Variants in DIP2A observed in about 807,000 individuals in gnomAD.
DIP2A encodes the protein disco-interacting protein 2 homolog A.
A neutral mutation model predicts 177.4 loss-of-function variants in DIP2A; 85 were observed. That is an observed-to-expected ratio of 0.48 (90% CI 0.40 to 0.57). DIP2A has a LOEUF of 0.57. DIP2A is among the 20% of genes least tolerant of loss of function. The pLI is 0.00. For missense variants in DIP2A, 1,791 were observed against 2,100.2 expected (o/e 0.85, Z 2.88); for synonymous variants, 886 against 881.8 (o/e 1.00, Z -0.08).
chr21:46,483,066 G>A (rs770111039), intron 1 of DIP2A, among the ~76,000 whole-genome samples: 2 of 152,148 alleles, frequency 1.3e-5, no homozygotes, highest in Admixed American at 1.3e-4. Flanking sequence ...GAGTGAGGGG[G>A]TGAACAAGGA....
chr21:46,560,991 C>T (rs2060642823), intron 33 of DIP2A: 1 of 985,436 alleles, frequency 1.0e-6, no homozygotes, highest in Non-Finnish European at 1.2e-6. Context: ...AGCTGTGTGC[C>T]CCACTCCGGG....
At chr21:46,482,838 ATATTCCG>A (rs1372408049) in intron 1 of DIP2A, among the ~76,000 whole-genome samples, 2 of 152,252 alleles carry the variant, frequency 1.3e-5, no homozygotes, top group East Asian at 3.9e-4. Flanking sequence ...AGCCAGAGCC[ATATTCCG>A]TACCTCTGTG....
chr21:46,547,656 CTTTTTTTTTTT>C (rs10672432), intron 21 of DIP2A, among the ~76,000 whole-genome samples: 7 of 76,390 alleles, frequency 9.2e-5, no homozygotes, highest in Middle Eastern at 0.011. Flanking sequence ...AAGGGGGTGC[CTTTTTTTTTTT>C]TTTTTTTTTT....
intron 10 of DIP2A, among the ~76,000 whole-genome samples, chr21:46,532,628 T>G (rs925546288): frequency 2.0e-5 from 3 of 152,204 alleles, no homozygotes; most frequent in Non-Finnish European, 4.4e-5. Context: ...TAATTATTAT[T>G]TCTTAGGGAT....
intron 34 of DIP2A, 34 bp downstream of exon 34, chr21:46,561,839 G>A (rs1406638250): frequency 8.7e-6 from 14 of 1,612,704 alleles, no homozygotes; most frequent in South Asian, 3.3e-5. Flanking sequence ...ATTCTGAGTC[G>A]CGTCTGAGAC....
intron 6 of DIP2A, 120 bp downstream of exon 6, chr21:46,504,609 A>G: frequency 8.2e-7 from 1 of 1,215,990 alleles, no homozygotes; most frequent in South Asian, 1.6e-5. Context: ...GTTTTAATCC[A>G]TGCAGATAAA....
rs2060500748 is a variant in DIP2A, at chr21:46,557,268, G to A, written c.3629+199G>A. 2 of 657,284 alleles carry A rather than the reference G, an allele frequency of 3.0e-6. No homozygotes were observed. Among genetic ancestry groups the A allele is most frequent in the African/African-American group, 1.8e-5 (1 of 55,046 alleles). The allele number at this position is 657,284 out of a possible 1,614,324, so 40.7% of individuals were successfully genotyped here. On this transcript the variant is annotated intron_variant, in intron 30 of 37. Transcript: ENST00000417564. The surrounding 1 kb of genome is among the most constrained non-coding windows in gnomAD (Gnocchi z 6.0). ...ACATTTTTCATTAAATACACTGTCC[G>A]TTATCAGTACTTGGGAAGAATCTGC... is the stretch of plus-strand genomic sequence containing the variant.
chr21:46,550,859 C>A, intron 23 of DIP2A, 115 bp downstream of exon 23: 1 of 1,122,062 alleles, frequency 8.9e-7, no homozygotes, highest in Non-Finnish European at 1.3e-6. Flanking sequence ...GTCTTTGGGG[C>A]TGGGGTCAAG....
In DIP2A at chr21:46,536,868, C is replaced by T. The variant is rs145302450; in HGVS notation, c.1643-356C>T. Among the ~76,000 whole-genome samples, 12 of 150,868 alleles carry T rather than the reference C, an allele frequency of 8.0e-5. No individual in the cohort carries two copies. The East Asian group carries it at 2.1e-3, about 27-fold the overall frequency. On this transcript the variant is annotated intron_variant, in intron 13 of 37. Coordinates refer to ENST00000417564, the MANE Select transcript of DIP2A (RefSeq NM_015151.4). ...GCAGTGAGCTGAGATTGCTCCATTG[C>T]ACTCTAGCCTGGGCAACAGAGCAAG...
At position 46,554,671 on chromosome 21, in the gene DIP2A, T is replaced by C. The variant is rs776046571; in HGVS notation, c.3251T>C (p.Leu1084Pro). ...CACCCTCAGAACCTCGGCACCACAC[T>C]GCCCACCGTCAAGATGATCGTGGAG... ...PPHPQNLGTT[L>P]PTVKMIVEVS... Residue 1084 changes from leucine (L) to proline (P), a missense_variant, in exon 27 of 38, where the codon CTG becomes CCG. Physicochemically the swap from Leu to Pro is moderately conservative, Grantham distance 98. Coordinates refer to ENST00000417564, the MANE Select transcript of DIP2A (RefSeq NM_015151.4). The C allele has an allele frequency of 2.5e-6, 4 of 1,574,296 alleles. No individual in the cohort carries two copies. The highest frequency in any genetic ancestry group is 3.4e-6 in the Non-Finnish European group (4 of 1,160,754).
intron 32 of DIP2A, 50 bp downstream of exon 32, chr21:46,558,443 G>A (rs2060549517): frequency 6.5e-7 from 1 of 1,534,604 alleles, no homozygotes; most frequent in Non-Finnish European, 8.8e-7. Flanking sequence ...TGGCAGCATG[G>A]AGACCCAGTT....
intron 8 of DIP2A, among the ~76,000 whole-genome samples, chr21:46,523,790 G>A (rs1052515505): frequency 1.3e-5 from 2 of 152,120 alleles, no homozygotes; most frequent in Non-Finnish European, 2.9e-5. Context: ...CTGTTCACTC[G>A]GTGGAAACCA....
intron 18 of DIP2A, among the ~76,000 whole-genome samples, chr21:46,544,779 G>A (rs1189789627): frequency 1.3e-5 from 2 of 152,110 alleles, no homozygotes; most frequent in Non-Finnish European, 2.9e-5. Flanking sequence ...GGTGGTGATG[G>A]TCAGGAGCCA....
At chr21:46,582,596 C>T in the DIP2A span, among the ~76,000 whole-genome samples, 3 of 152,156 alleles carry the variant, frequency 2.0e-5, no homozygotes, top group African/African-American at 4.8e-5. Flanking sequence ...AGTGGTCCAT[C>T]GCTCCACCCT....
At chr21:46,496,885 T>C in intron 3 of DIP2A, 103 bp from the exon 4 acceptor site, 33 of 1,208,272 alleles carry the variant, frequency 2.7e-5, no homozygotes, top group Non-Finnish European at 3.6e-5. Flanking sequence ...AGAGCTTCTA[T>C]TCCTTTTACC....
Position 46,556,565 on chromosome 21 carries a change from C to A in DIP2A, c.3499-374C>A, listed in dbSNP as rs1268416209. 4 of 387,804 alleles carry A rather than the reference C, an allele frequency of 1.0e-5. No individual in the cohort carries two copies. Among genetic ancestry groups the A allele is most frequent in the Non-Finnish European group, 1.4e-5 (3 of 207,056 alleles). 24.0% of individuals were successfully genotyped at this position (387,804 alleles called of 1,614,324 possible). A position where few individuals can be genotyped will look rare whatever the true frequency, so the allele number is the denominator to read the frequency against. ...GGGCATGGTGGCAGGTGCCTCTAATCCCAGATACTCAGGAGGCTGAGGCAG... is the reference window on the plus strand; with the variant it reads ...GGGCATGGTGGCAGGTGCCTCTAATACCAGATACTCAGGAGGCTGAGGCAG... On this transcript the variant is annotated intron_variant, in intron 29 of 37. Coordinates refer to ENST00000417564, the MANE Select transcript of DIP2A (RefSeq NM_015151.4). The surrounding 1 kb of genome is among the most constrained non-coding windows in gnomAD (Gnocchi z 4.5).
At chr21:46,545,773 G>C (rs2060006615) in intron 19 of DIP2A, 108 bp from the exon 20 acceptor site, 5 of 1,313,032 alleles carry the variant, frequency 3.8e-6, no homozygotes, top group Non-Finnish European at 5.3e-6. Flanking sequence ...TTTTCCCCCT[G>C]GCCAGCAGGC....
At chr21:46,540,996 C>G (rs1024769732) in intron 17 of DIP2A, among the ~76,000 whole-genome samples, 9 of 124,170 alleles carry the variant, frequency 7.2e-5, no homozygotes, top group African/African-American at 2.5e-4. Flanking sequence ...GCCTGGGCAA[C>G]AAGAGTGAAA....
chr21:46,543,529 C>T (rs76933186), intron 18 of DIP2A, among the ~76,000 whole-genome samples: 6,165 of 151,896 alleles, frequency 0.041, 190 homozygotes, highest in Non-Finnish European at 0.062. Context: ...CTGCCAGGCG[C>T]GCGTGCAAAG....
Sources: gnomAD v4.1 joint callset for allele counts (sites outside exome capture counted in the v4.1 genomes callset) on GRCh38, gnomAD v4.1.1 for gene constraint, Gnocchi (gnomAD v3.1) non-coding constraint, MANE v1.5 for transcripts, NCBI Gene and HGNC (gene_info 2026-07-23, HGNC 2026-07-21) for gene names.